The following MEIKIN variants were observed in gnomAD, a reference collection of about 807,000 sequenced individuals.
MEIKIN encodes the protein meiosis-specific kinetochore protein.
At chr5:131,819,694 C>T (rs1467514608) in intron 11 of MEIKIN, among the ~76,000 whole-genome samples, 3 of 143,286 alleles carry the variant, frequency 2.1e-5, no homozygotes, top group Non-Finnish European at 4.5e-5. Context: ...CTGCCTCCCA[C>T]GTTCAAGTGA....
intron 10 of MEIKIN, among the ~76,000 whole-genome samples, chr5:131,852,797 T>G (rs1469010539): frequency 6.6e-6 from 1 of 152,168 alleles, no homozygotes; most frequent in Non-Finnish European, 1.5e-5. Flanking sequence ...ATACTGAGTT[T>G]TATAAAACGT....
chr5:131,870,978 AC>A (rs1208285549), intron 9 of MEIKIN, among the ~76,000 whole-genome samples: 2 of 152,130 alleles, frequency 1.3e-5, no homozygotes, highest in East Asian at 3.9e-4. Flanking sequence ...GAAAATCTAA[AC>A]CTCAGTTTTC....
chr5:131,884,989 A>G (rs1268199312), intron 8 of MEIKIN, among the ~76,000 whole-genome samples: 3 of 150,664 alleles, frequency 2.0e-5, no homozygotes, highest in African/African-American at 7.3e-5. Flanking sequence ...GTCCCATGGT[A>G]TGAGTGCCAG....
intron 11 of MEIKIN, among the ~76,000 whole-genome samples, chr5:131,839,212 A>G (rs574343694): frequency 6.6e-6 from 1 of 152,064 alleles, no homozygotes; most frequent in South Asian, 2.1e-4. Flanking sequence ...CTGTAGTCCA[A>G]ATGATTGTTT....
chr5:131,823,309 G>C (rs1749552838), intron 11 of MEIKIN, among the ~76,000 whole-genome samples: 1 of 151,946 alleles, frequency 6.6e-6, no homozygotes, highest in Admixed American at 6.6e-5. Flanking sequence ...TCCTCTTTAA[G>C]ACCAATAACT....
intron 11 of MEIKIN, among the ~76,000 whole-genome samples, chr5:131,833,097 C>A (rs1218027445): frequency 2.6e-5 from 4 of 152,192 alleles, no homozygotes; most frequent in Non-Finnish European, 5.9e-5. Context: ...TGTAAGGCTG[C>A]AAAATTTTCA....
intron 12 of MEIKIN, among the ~76,000 whole-genome samples, chr5:131,817,055 G>A (rs1184458552): frequency 1.3e-5 from 2 of 152,156 alleles, no homozygotes; most frequent in African/African-American, 4.8e-5. Context: ...AACTGGTTGA[G>A]GACCAGAATA....
chr5:131,828,805 A>C (rs977442015), intron 11 of MEIKIN, among the ~76,000 whole-genome samples: 1 of 152,210 alleles, frequency 6.6e-6, no homozygotes, highest in African/African-American at 2.4e-5. Context: ...GTGAAAAACA[A>C]ATATATGTTA....
chr5:131,895,755 T>G (rs962471681), intron 8 of MEIKIN, among the ~76,000 whole-genome samples: 7 of 152,168 alleles, frequency 4.6e-5, no homozygotes, highest in African/African-American at 1.7e-4. Context: ...TTTTTTATTG[T>G]GTCTATTTGA....
chr5:131,893,995 T>C (rs1273170902), intron 8 of MEIKIN, among the ~76,000 whole-genome samples: 1 of 152,244 alleles, frequency 6.6e-6, no homozygotes, highest in Non-Finnish European at 1.5e-5. Flanking sequence ...ACGAATGGTA[T>C]TGCCTAGGTT....
intron 11 of MEIKIN, among the ~76,000 whole-genome samples, chr5:131,825,348 T>G (rs750320130): frequency 1.3e-5 from 2 of 152,152 alleles, no homozygotes; most frequent in African/African-American, 4.8e-5. Context: ...TTGCTAGGAC[T>G]CATAGGATTC....
chr5:131,908,556 A>T (rs1248643295), intron 8 of MEIKIN, among the ~76,000 whole-genome samples: 1 of 152,194 alleles, frequency 6.6e-6, no homozygotes. Flanking sequence ...ATTATTCAAC[A>T]TAGTATCGGA....
chr5:131,885,293 G>A (rs894836424), intron 8 of MEIKIN, among the ~76,000 whole-genome samples: 1 of 150,078 alleles, frequency 6.7e-6, no homozygotes, highest in African/African-American at 2.4e-5. Context: ...GGAGGCCACA[G>A]AGGTGCTTGT....
intron 11 of MEIKIN, among the ~76,000 whole-genome samples, chr5:131,821,980 G>A (rs1054853508): frequency 2.0e-5 from 3 of 152,030 alleles, no homozygotes; most frequent in Non-Finnish European, 4.4e-5. Context: ...CCAGTGTTAG[G>A]TGCACATGTA....
chr5:131,896,120 T>C (rs1252266293), intron 8 of MEIKIN, among the ~76,000 whole-genome samples: 2 of 152,234 alleles, frequency 1.3e-5, no homozygotes, highest in Admixed American at 6.5e-5. Flanking sequence ...AACATCTTTA[T>C]TTCTGCCTTG....
At chr5:131,820,902 T>C (rs1033153654) in intron 11 of MEIKIN, among the ~76,000 whole-genome samples, 5 of 152,198 alleles carry the variant, frequency 3.3e-5, no homozygotes, top group African/African-American at 1.2e-4. Flanking sequence ...GTCTTCTTTT[T>C]TTCTTAGTCT....
chr5:131,815,836 C>G (rs1394056389), intron 12 of MEIKIN, among the ~76,000 whole-genome samples: 2 of 152,172 alleles, frequency 1.3e-5, no homozygotes, highest in Admixed American at 1.3e-4. Context: ...TGTCACCCAC[C>G]AGGTAAAGAA....
chr5:131,911,060 G>A (rs932908145), intron 8 of MEIKIN, among the ~76,000 whole-genome samples: 4 of 151,886 alleles, frequency 2.6e-5, no homozygotes, highest in African/African-American at 9.7e-5. Context: ...AACCCTCCAG[G>A]GTAGAAGGTA....
rs189659599 is a variant in MEIKIN at position 131,870,415 on chromosome 5, C to T, written c.774+8563G>A. ...CCACCACTCTTCCTTTTGAACCTGA[C>T]GATGGAGTTTTCCAGGGATTGACCT... On this transcript the variant is annotated intron_variant, in intron 9 of 12. Transcript: ENST00000442687. Among the ~76,000 whole-genome samples, 13 of 152,190 alleles carry T rather than the reference C, an allele frequency of 8.5e-5. No individual in the cohort carries two copies. The East Asian group carries it at 1.5e-3, about 18-fold the overall frequency.
Sources: gnomAD v4.1 joint callset for allele counts (sites outside exome capture counted in the v4.1 genomes callset) on GRCh38, gnomAD v4.1.1 for gene constraint, MANE v1.5 for transcripts, NCBI Gene and HGNC (gene_info 2026-07-23, HGNC 2026-07-21) for gene names.